Variants in PLD1 observed in about 807,000 individuals in gnomAD.
The protein encoded by PLD1 is choline phosphatase 1.
In PLD1, 112 loss-of-function variants were observed where a neutral mutation model predicts 137.1. The observed-to-expected ratio is 0.82, with a 90% CI of 0.70 to 0.96. The LOEUF (loss-of-function observed/expected upper bound fraction) is 0.96, where lower values mean the gene tolerates loss of function less well. Ranked by LOEUF, PLD1 falls within the 40% of genes least tolerant of loss-of-function variation. The pLI is 0.00. For missense variants in PLD1, 1,321 were observed against 1,342.0 expected, an observed-to-expected ratio of 0.98 and a Z score of 0.24; for synonymous variants, 431 against 454.7, an observed-to-expected ratio of 0.95 and a Z score of 0.66.
At chr3:171,666,715 A>G (rs1712187005) in intron 19 of PLD1, among the ~76,000 whole-genome samples, 2 of 152,226 alleles carry the variant, frequency 1.3e-5, no homozygotes, top group South Asian at 4.1e-4. Flanking sequence ...CCTCACATGC[A>G]AAAATATAGC....
intron 23 of PLD1, among the ~76,000 whole-genome samples, chr3:171,622,909 A>G (rs1313144876): frequency 1.3e-5 from 2 of 151,982 alleles, no homozygotes; most frequent in Non-Finnish European, 2.9e-5. Context: ...AACCACTTAG[A>G]GAATATAATC....
intron 22 of PLD1, 125 bp from the exon 23 acceptor site, chr3:171,643,014 A>G (rs1204279795): frequency 4.8e-6 from 3 of 629,100 alleles, no homozygotes; most frequent in Non-Finnish European, 8.4e-6. Context: ...AAGATGCTAC[A>G]TATATATCTA....
At chr3:171,728,894 GA>G (rs1718727471) in intron 6 of PLD1, among the ~76,000 whole-genome samples, 1 of 151,878 alleles carries the variant, frequency 6.6e-6, no homozygotes, top group Admixed American at 6.6e-5. Context: ...AGTTTGACTG[GA>G]GAGAGATTTC....
At chr3:171,721,447 T>G (rs6445018) in intron 8 of PLD1, 54,944 of 152,186 alleles carry the variant, frequency 0.36, 11,033 homozygotes, top group African/African-American at 0.52. Context: ...CTGAGGAGGA[T>G]GGGGCTGGAC....
At chr3:171,803,729 G>T (rs1362472761) in intron 1 of PLD1, among the ~76,000 whole-genome samples, 2 of 152,050 alleles carry the variant, frequency 1.3e-5, no homozygotes, top group Non-Finnish European at 1.5e-5. Flanking sequence ...GTGAAATTCT[G>T]TCTCAAAAAA....
intron 1 of PLD1, among the ~76,000 whole-genome samples, chr3:171,747,620 C>T (rs1720336004): frequency 6.6e-6 from 1 of 152,150 alleles, no homozygotes; most frequent in Non-Finnish European, 1.5e-5. Context: ...TTTTCTGAAC[C>T]ATCCTGGCTC....
At chr3:171,677,737 G>A (rs199715372) in intron 16 of PLD1, 43 bp from the exon 17 acceptor site, 38 of 1,593,332 alleles carry the variant, frequency 2.4e-5, no homozygotes, top group Admixed American at 5.5e-5. Flanking sequence ...TGGTTCAGGT[G>A]AGTCCCAGAA....
At chr3:171,621,814 T>C (rs1041664351) in intron 23 of PLD1, among the ~76,000 whole-genome samples, 6 of 152,212 alleles carry the variant, frequency 3.9e-5, no homozygotes, top group Non-Finnish European at 5.9e-5. Flanking sequence ...CCTCCTTTTT[T>C]AAGTCTTTTC....
rs767102355 is a variant in PLD1, at chr3:171,692,378, C to T, written c.1292G>A (p.Ser431Asn). Residue 431 changes from serine to asparagine, a missense_variant, in exon 13 of 27, where the codon AGT becomes AAT. Ser to Asn is a conservative substitution (Grantham distance 46, BLOSUM62 1). Coordinates refer to ENST00000351298, the MANE Select transcript of PLD1 (RefSeq NM_002662.5). Reference protein sequence around the residue: ...KEVELALGINSEYTKRTLMRL... With the variant: ...KEVELALGINNEYTKRTLMRL... ...CATCAAAGTCCTCTTGGTGTATTCA[C>T]TATTGATGCCAAGAGCGAGTTCCAC... 1.5e-5 allele frequency: 24 copies of T among 1,600,282 alleles called. No individual in the cohort carries two copies. The highest frequency in any genetic ancestry group is 2.2e-5 in the East Asian group (1 of 44,826).
chr3:171,645,844 A>G (rs527892769), intron 21 of PLD1, among the ~76,000 whole-genome samples: 39 of 144,824 alleles, frequency 2.7e-4, no homozygotes, highest in African/African-American at 9.6e-4. Context: ...AGATCGCGCT[A>G]CTGCACTCCA....
intron 1 of PLD1, among the ~76,000 whole-genome samples, chr3:171,758,529 C>T (rs1721184686): frequency 6.6e-6 from 1 of 152,176 alleles, no homozygotes; most frequent in South Asian, 2.1e-4. Context: ...TAGGCATCAT[C>T]CAGGAGCTTG....
At chr3:171,795,191 C>T (rs989057024) in intron 1 of PLD1, among the ~76,000 whole-genome samples, 9 of 152,214 alleles carry the variant, frequency 5.9e-5, no homozygotes, top group African/African-American at 2.2e-4. Flanking sequence ...ACCAGCTTCA[C>T]ACAAGTGCAA....
At chr3:171,754,882 A>T (rs1720908655) in intron 1 of PLD1, among the ~76,000 whole-genome samples, 1 of 152,110 alleles carries the variant, frequency 6.6e-6, no homozygotes, top group African/African-American at 2.4e-5. Flanking sequence ...ATCTGGTGAG[A>T]CAGCTGTGCA....
chr3:171,710,308 G>A (rs550939754), intron 9 of PLD1, among the ~76,000 whole-genome samples: 3 of 152,152 alleles, frequency 2.0e-5, no homozygotes, highest in Non-Finnish European at 2.9e-5. Flanking sequence ...TGATCCGCCC[G>A]CCTCGGCCTC....
intron 1 of PLD1, among the ~76,000 whole-genome samples, chr3:171,779,248 C>T (rs1722695236): frequency 6.6e-6 from 1 of 151,984 alleles, no homozygotes; most frequent in Non-Finnish European, 1.5e-5. Context: ...AGGCAGACTA[C>T]TTAGGAGAAT....
intron 1 of PLD1, among the ~76,000 whole-genome samples, chr3:171,772,737 G>T (rs1244882736): frequency 6.6e-6 from 1 of 152,188 alleles, no homozygotes; most frequent in Non-Finnish European, 1.5e-5. Flanking sequence ...CAGAGAAGGA[G>T]CAGCTATGCG....
chr3:171,722,179 A>G (rs1718175992), intron 8 of PLD1, among the ~76,000 whole-genome samples: 1 of 152,214 alleles, frequency 6.6e-6, no homozygotes, highest in South Asian at 2.1e-4. Context: ...TGGGGGATAC[A>G]GATAAGAATC....
intron 13 of PLD1, among the ~76,000 whole-genome samples, chr3:171,689,833 A>C (rs1714971740): frequency 1.3e-5 from 2 of 152,246 alleles, no homozygotes; most frequent in Admixed American, 6.5e-5. Flanking sequence ...ATTTTTTAAA[A>C]ATTGTAGTAA....
Position 171,609,507 on chromosome 3 carries a change from AACACACACACAC to A in PLD1, c.2882+2760_2882+2771del, listed in dbSNP as rs371080467. Among the ~76,000 whole-genome samples, 1,307 of 136,956 alleles carry A rather than the reference AACACACACACAC, an allele frequency of 9.5e-3. 14 individuals are homozygous for A. The highest frequency in any genetic ancestry group is 0.025 in the African/African-American group (904 of 36,384). The allele number at this position is 136,956 out of a possible 152,430, so 89.8% of individuals were successfully genotyped here. A position where few individuals can be genotyped will look rare whatever the true frequency, so the allele number is the denominator to read the frequency against. On this transcript the variant is annotated intron_variant, in intron 25 of 26. Coordinates refer to ENST00000351298, the MANE Select transcript of PLD1 (RefSeq NM_002662.5). ...CCTGAGCAGACAATTACATAAAGAA[AACACACACACAC>A]ACACACACACACACACACACACACA...
Sources: gnomAD v4.1 joint callset for allele counts (sites outside exome capture counted in the v4.1 genomes callset) on GRCh38, gnomAD v4.1.1 for gene constraint, MANE v1.5 for transcripts, NCBI Gene and HGNC (gene_info 2026-07-23, HGNC 2026-07-21) for gene names.